DIAPH3: variants seen among roughly 807,000 people sequenced by gnomAD.
DIAPH3 encodes the protein diaphanous related formin 3.
Under a neutral mutation model 144.3 loss-of-function variants are expected in DIAPH3, and 117 were observed. That is an observed-to-expected ratio of 0.81 (90% confidence interval 0.70 to 0.95). The LOEUF is 0.95. DIAPH3 is among the 40% of genes least tolerant of loss of function. The probability of loss-of-function intolerance (pLI) is 0.00; values close to 1 mark genes in which losing one functional copy is unlikely to be tolerated. For missense variants in DIAPH3, 1,421 were observed against 1,412.7 expected, an observed-to-expected ratio of 1.01 and a Z score of -0.09; for synonymous variants, 519 against 488.9, an observed-to-expected ratio of 1.06 and a Z score of -0.81.
intron 22 of DIAPH3, among the ~76,000 whole-genome samples, chr13:59,848,234 G>C (rs532057857): frequency 6.6e-6 from 1 of 150,552 alleles, no homozygotes; most frequent in South Asian, 2.1e-4. Context: ...GAAAATTTAA[G>C]TCAGATGTCA....
chr13:59,698,649 T>C (rs1346132156), intron 27 of DIAPH3, among the ~76,000 whole-genome samples: 1 of 152,238 alleles, frequency 6.6e-6, no homozygotes, highest in Non-Finnish European at 1.5e-5. Flanking sequence ...GAAAAAGTAT[T>C]ACCAAAAGGA....
intron 23 of DIAPH3, among the ~76,000 whole-genome samples, chr13:59,836,095 C>A (rs1193845969): frequency 6.6e-6 from 1 of 151,630 alleles, no homozygotes; most frequent in Non-Finnish European, 1.5e-5. Flanking sequence ...AAATGTCTAG[C>A]AAAATAAGTT....
At chr13:59,714,127 G>A (rs1428588511) in intron 27 of DIAPH3, among the ~76,000 whole-genome samples, 3 of 152,038 alleles carry the variant, frequency 2.0e-5, no homozygotes, top group Admixed American at 6.5e-5. Flanking sequence ...TTGGGAGGCC[G>A]AGGCGGGCGG....
intron 5 of DIAPH3, among the ~76,000 whole-genome samples, chr13:60,031,121 T>A (rs1361936014): frequency 6.6e-6 from 1 of 152,106 alleles, no homozygotes; most frequent in African/African-American, 2.4e-5. Flanking sequence ...GGCGCCAGCA[T>A]CTCCTCTGCT....
chr13:59,778,196 A>G (rs1414501955), intron 25 of DIAPH3, among the ~76,000 whole-genome samples: 1 of 152,160 alleles, frequency 6.6e-6, no homozygotes, highest in Non-Finnish European at 1.5e-5. Flanking sequence ...CTTCCTTCAA[A>G]ACGGAGAACT....
chr13:60,098,670 T>C (rs1320484096), intron 3 of DIAPH3, among the ~76,000 whole-genome samples: 1 of 151,898 alleles, frequency 6.6e-6, no homozygotes, highest in African/African-American at 2.4e-5. Flanking sequence ...CAATATAAAC[T>C]ATTGTGTATT....
chr13:59,843,594 A>C (rs957064639), intron 22 of DIAPH3, among the ~76,000 whole-genome samples: 5 of 152,228 alleles, frequency 3.3e-5, no homozygotes, highest in Admixed American at 6.5e-5. Context: ...AAGAGTAAGC[A>C]AGCTATCTTC....
intron 4 of DIAPH3, among the ~76,000 whole-genome samples, chr13:60,063,994 G>A (rs1239583263): frequency 1.3e-5 from 2 of 152,064 alleles, no homozygotes; most frequent in Admixed American, 6.6e-5. Context: ...TAAATGCACT[G>A]TCAATGAACA....
At chr13:60,099,061 C>T (rs1367457828) in intron 3 of DIAPH3, among the ~76,000 whole-genome samples, 1 of 152,132 alleles carries the variant, frequency 6.6e-6, no homozygotes, top group African/African-American at 2.4e-5. Flanking sequence ...ATTTTAATCT[C>T]TCTGAAGAGC....
chr13:59,901,892 C>T (rs948277462), intron 20 of DIAPH3, among the ~76,000 whole-genome samples: 1 of 152,156 alleles, frequency 6.6e-6, no homozygotes, highest in African/African-American at 2.4e-5. Flanking sequence ...TGCAGTGGCA[C>T]GATCTTGGCT....
At chr13:59,849,980 CTCTTT>C (rs2042869635) in intron 22 of DIAPH3, among the ~76,000 whole-genome samples, 1 of 140,766 alleles carries the variant, frequency 7.1e-6, no homozygotes, top group Admixed American at 7.2e-5. Context: ...TGTTTGTATC[CTCTTT>C]TATTTCCTTG....
At chr13:59,808,910 C>T (rs1287317132) in intron 25 of DIAPH3, among the ~76,000 whole-genome samples, 1 of 152,052 alleles carries the variant, frequency 6.6e-6, no homozygotes, top group East Asian at 1.9e-4. Context: ...GGGTAACAGC[C>T]TTTTGATCTA....
chr13:60,007,434 T>C (rs1033838725), intron 9 of DIAPH3, among the ~76,000 whole-genome samples: 6 of 152,138 alleles, frequency 3.9e-5, no homozygotes, highest in Non-Finnish European at 7.3e-5. Context: ...ATTCCTAATA[T>C]ACCAAGAAAC....
intron 27 of DIAPH3, among the ~76,000 whole-genome samples, chr13:59,749,759 A>G (rs1468592072): frequency 6.6e-6 from 1 of 152,114 alleles, no homozygotes; most frequent in East Asian, 1.9e-4. Flanking sequence ...GAAAATTTCA[A>G]AAAATAAATT....
intron 8 of DIAPH3, among the ~76,000 whole-genome samples, chr13:60,009,099 T>C (rs2053072526): frequency 6.6e-6 from 1 of 152,216 alleles, no homozygotes; most frequent in Non-Finnish European, 1.5e-5. Flanking sequence ...ATAAATGCTC[T>C]CAACCACTGC....
chr13:60,061,737 TCAAA>T (rs1185014535), intron 4 of DIAPH3, among the ~76,000 whole-genome samples: 3 of 151,984 alleles, frequency 2.0e-5, no homozygotes, highest in African/African-American at 7.2e-5. Flanking sequence ...GGAGCGTCTC[TCAAA>T]CAATCTAACT....
chr13:59,781,144 A>C (rs1268170842), intron 25 of DIAPH3, among the ~76,000 whole-genome samples: 2 of 152,224 alleles, frequency 1.3e-5, no homozygotes, highest in Non-Finnish European at 1.5e-5. Flanking sequence ...GAAGATCCTA[A>C]AAGGTTCTAG....
At chr13:60,000,754 G>A (rs1268702865) in intron 9 of DIAPH3, among the ~76,000 whole-genome samples, 1 of 152,112 alleles carries the variant, frequency 6.6e-6, no homozygotes, top group Admixed American at 6.5e-5. Context: ...TTTGCTCTCT[G>A]ACATAATTAT....
At chr13:59,812,156 T>A (rs1490165906) in intron 24 of DIAPH3, among the ~76,000 whole-genome samples, 1 of 152,134 alleles carries the variant, frequency 6.6e-6, no homozygotes, top group Non-Finnish European at 1.5e-5. Context: ...AGTTCTTCAT[T>A]AAAAATCAAA....
Sources: gnomAD v4.1 joint callset for allele counts (sites outside exome capture counted in the v4.1 genomes callset) on GRCh38, gnomAD v4.1.1 for gene constraint, MANE v1.5 for transcripts, NCBI Gene and HGNC (gene_info 2026-07-23, HGNC 2026-07-21) for gene names.